The following LRRIQ3 variants were observed in gnomAD, a reference collection of about 807,000 sequenced individuals.
LRRIQ3 encodes leucine-rich repeat and IQ domain-containing protein 3.
In LRRIQ3, 75 loss-of-function variants were observed where a neutral mutation model predicts 59.3. The ratio of observed to expected loss-of-function variants is 1.26; its 90% CI spans 1.05 to 1.53. The LOEUF (loss-of-function observed/expected upper bound fraction) is 1.53, where lower values mean the gene tolerates loss of function less well. Ranked by LOEUF, LRRIQ3 falls within the 40% of genes most tolerant of loss-of-function variation. The pLI, the probability that LRRIQ3 is intolerant of heterozygous loss-of-function variation, is 0.00. For missense variants in LRRIQ3, 831 were observed against 710.0 expected, an observed-to-expected ratio of 1.17 and a Z score of -1.94; for synonymous variants, 250 against 231.3, an observed-to-expected ratio of 1.08 and a Z score of -0.73.
chr1:74,172,195 T>A (rs149383500), intron 3 of LRRIQ3, among the ~76,000 whole-genome samples: 1 of 152,242 alleles, frequency 6.6e-6, no homozygotes, highest in African/African-American at 2.4e-5. Context: ...TTGGTTGAGA[T>A]CATTTTTTCT....
intron 6 of LRRIQ3, among the ~76,000 whole-genome samples, chr1:74,068,933 T>C (rs1220766577): frequency 1.3e-4 from 20 of 151,774 alleles, no homozygotes; most frequent in Admixed American, 1.3e-3. Context: ...AGGCAGAAAA[T>C]GTAATGTGTT....
chr1:74,194,884 C>A (rs549060268), intron 1 of LRRIQ3, among the ~76,000 whole-genome samples: 1 of 152,248 alleles, frequency 6.6e-6, no homozygotes, highest in Non-Finnish European at 1.5e-5. Context: ...ATTCTTGACT[C>A]TACTAATTTA....
At chr1:74,181,073 T>A in intron 3 of LRRIQ3, 1 of 382,628 alleles carries the variant, frequency 2.6e-6, no homozygotes, top group Non-Finnish European at 4.8e-6. Flanking sequence ...GACAGTCCTT[T>A]TCATATATTA....
At chr1:74,149,984 A>G (rs1647821285) in intron 4 of LRRIQ3, among the ~76,000 whole-genome samples, 1 of 152,212 alleles carries the variant, frequency 6.6e-6, no homozygotes, top group African/African-American at 2.4e-5. Context: ...ATTCTGGCCA[A>G]GGAAATGTAG....
intron 4 of LRRIQ3, among the ~76,000 whole-genome samples, chr1:74,146,458 T>C (rs1328886980): frequency 1.3e-5 from 2 of 152,130 alleles, no homozygotes; most frequent in Non-Finnish European, 2.9e-5. Flanking sequence ...GCCTAACTTA[T>C]GGTAGGCACT....
At chr1:74,161,589 G>A (rs1237423623) in intron 3 of LRRIQ3, among the ~76,000 whole-genome samples, 2 of 151,734 alleles carry the variant, frequency 1.3e-5, no homozygotes, top group Admixed American at 6.6e-5. Context: ...GAAGCAGAAA[G>A]AATACAGGAG....
intron 3 of LRRIQ3, chr1:74,181,540 C>G (rs2100721840): frequency 6.6e-6 from 1 of 151,936 alleles, no homozygotes; most frequent in African/African-American, 2.4e-5. Context: ...AGGGTCATGC[C>G]TGTTGCCACC....
At chr1:74,197,739 G>C (rs1463585932) in intron 1 of LRRIQ3, among the ~76,000 whole-genome samples, 1 of 152,148 alleles carries the variant, frequency 6.6e-6, no homozygotes, top group Non-Finnish European at 1.5e-5. Context: ...TTCCTAGAAA[G>C]AGCAGAGATT....
At chr1:74,149,786 A>C (rs1647808917) in intron 4 of LRRIQ3, among the ~76,000 whole-genome samples, 1 of 152,130 alleles carries the variant, frequency 6.6e-6, no homozygotes, top group South Asian at 2.1e-4. Context: ...TTGTTCATAC[A>C]TGCATTTGTA....
chr1:74,030,516 T>C (rs1472457645), intron 7 of LRRIQ3, among the ~76,000 whole-genome samples: 2 of 152,142 alleles, frequency 1.3e-5, no homozygotes, highest in Middle Eastern at 3.2e-3. Context: ...GGGGAAAAGA[T>C]TCCCTATTTA....
chr1:74,183,727 C>A, intron 1 of LRRIQ3, 43 bp from the exon 2 acceptor site: 1 of 1,388,148 alleles, frequency 7.2e-7, no homozygotes, highest in Non-Finnish European at 9.4e-7. Flanking sequence ...TTTCCACTTT[C>A]AAAAATTTAC....
At chr1:74,192,412 G>C (rs573839283) in intron 1 of LRRIQ3, among the ~76,000 whole-genome samples, 11 of 152,148 alleles carry the variant, frequency 7.2e-5, no homozygotes, top group Non-Finnish European at 2.9e-5. Context: ...CCCAATTCTT[G>C]TATTCCTCTC....
intron 6 of LRRIQ3, among the ~76,000 whole-genome samples, chr1:74,054,187 A>T (rs1654453238): frequency 6.6e-6 from 1 of 152,152 alleles, no homozygotes; most frequent in Non-Finnish European, 1.5e-5. Flanking sequence ...ATGGAATATT[A>T]TTCAGTGCTA....
chr1:74,176,527 T>C (rs1649649294), intron 3 of LRRIQ3, among the ~76,000 whole-genome samples: 1 of 152,200 alleles, frequency 6.6e-6, no homozygotes, highest in Admixed American at 6.5e-5. Flanking sequence ...AGCCATTATT[T>C]CTTAATCAGG....
chr1:74,030,683 T>C (rs533778198), intron 7 of LRRIQ3, among the ~76,000 whole-genome samples: 1 of 152,262 alleles, frequency 6.6e-6, no homozygotes, highest in East Asian at 1.9e-4. Context: ...GGCAATACCA[T>C]TCAGGACATA....
At chr1:74,109,670 TA>T (rs1220495207) in intron 4 of LRRIQ3, 117 bp from the exon 5 acceptor site, 11 of 781,970 alleles carry the variant, frequency 1.4e-5, no homozygotes, top group African/African-American at 3.6e-5. Context: ...AATGTAATAA[TA>T]TATTTATTTT....
intron 4 of LRRIQ3, among the ~76,000 whole-genome samples, chr1:74,110,723 CA>C (rs1360399451): frequency 1.1e-4 from 17 of 152,038 alleles, no homozygotes; most frequent in African/African-American, 4.1e-4. Context: ...AAGCAGACTC[CA>C]CCTATTTACT....
At chr1:74,093,716 C>T (rs1646417909) in intron 5 of LRRIQ3, among the ~76,000 whole-genome samples, 1 of 151,996 alleles carries the variant, frequency 6.6e-6, no homozygotes, top group South Asian at 2.1e-4. Context: ...TCCAAGTTTC[C>T]ACTCATTCAT....
At chr1:74,089,033 A>T (rs1258729066) in intron 5 of LRRIQ3, among the ~76,000 whole-genome samples, 1 of 152,094 alleles carries the variant, frequency 6.6e-6, no homozygotes, top group Admixed American at 6.6e-5. Flanking sequence ...TAGAAGATAT[A>T]TAAAGGGACA....
Sources: allele counts gnomAD v4.1 joint callset (sites outside exome capture counted in the v4.1 genomes callset), GRCh38; gene constraint gnomAD v4.1.1; transcripts MANE v1.5; gene names NCBI Gene and HGNC (gene_info 2026-07-23, HGNC 2026-07-21).